THRB: variants seen among roughly 807,000 people sequenced by gnomAD.
THRB encodes thyroid hormone receptor beta.
A neutral mutation model predicts 47.8 loss-of-function variants in THRB; 12 were observed. The observed-to-expected ratio is 0.25, with a 90% CI of 0.16 to 0.41. THRB has a LOEUF of 0.41. Among genes scored for constraint, THRB ranks in the 10% least tolerant of loss-of-function variants. The pLI, the probability that THRB is intolerant of heterozygous loss-of-function variation, is 1.00. For missense variants in THRB, 348 were observed against 589.2 expected, an observed-to-expected ratio of 0.59 and a Z score of 4.24; for synonymous variants, 218 against 212.2, an observed-to-expected ratio of 1.03 and a Z score of -0.24.
In THRB at chr3:24,133,430, A is replaced by G. The variant is rs1294817467; in HGVS notation, c.771T>C (p.Asn257=). The change falls in exon 9 of 11, where the codon AAT becomes AAC. Residue 257 remains asparagine, a synonymous_variant. Transcript: ENST00000646209. ...PEDIGQAPIV[N]APEGGKVDLE... is the part of the protein sequence containing the mutation. ...AGTCAACCTTTCCACCTTCTGGGGC[A>G]TTGACTATTGGTGCTTGTCCAATGT... The G allele has an allele frequency of 6.2e-7, 1 of 1,614,150 alleles. No homozygotes were observed. Among genetic ancestry groups the G allele is most frequent in the Non-Finnish European group, 8.5e-7 (1 of 1,180,002 alleles).
At chr3:24,217,464 A>G (rs893355042) in intron 4 of THRB, among the ~76,000 whole-genome samples, 17 of 152,086 alleles carry the variant, frequency 1.1e-4, no homozygotes, top group African/African-American at 4.1e-4. Flanking sequence ...AATGAATGCT[A>G]TTACTTCATA....
At chr3:24,263,540 A>G (rs538483109) in intron 3 of THRB, among the ~76,000 whole-genome samples, 14 of 151,434 alleles carry the variant, frequency 9.2e-5, no homozygotes, top group Admixed American at 2.0e-4. Context: ...TTCACCCTCA[A>G]TTATTTTTGG....
At chr3:24,484,563 G>T (rs557199275) in intron 1 of THRB, among the ~76,000 whole-genome samples, 4 of 152,246 alleles carry the variant, frequency 2.6e-5, no homozygotes, top group African/African-American at 7.2e-5. Flanking sequence ...GCTACTAGAA[G>T]AATTTAAACT....
chr3:24,362,887 A>AT (rs2149666698), intron 1 of THRB, among the ~76,000 whole-genome samples: 1 of 152,248 alleles, frequency 6.6e-6, no homozygotes, highest in Non-Finnish European at 1.5e-5. Flanking sequence ...CTGCCTTGTT[A>AT]TTTTAACACT....
intron 5 of THRB, among the ~76,000 whole-genome samples, chr3:24,180,569 C>T (rs746392145): frequency 6.6e-6 from 1 of 152,138 alleles, no homozygotes. Context: ...AGCTCTGGAC[C>T]TTGGAGAATT....
chr3:24,269,546 C>G (rs1314249792), intron 3 of THRB, among the ~76,000 whole-genome samples: 1 of 152,136 alleles, frequency 6.6e-6, no homozygotes, highest in East Asian at 1.9e-4. Flanking sequence ...CTGCTTCAGC[C>G]TCCCAAGTAG....
chr3:24,197,198 T>C (rs2044052236), intron 4 of THRB, among the ~76,000 whole-genome samples: 1 of 152,238 alleles, frequency 6.6e-6, no homozygotes, highest in Non-Finnish European at 1.5e-5. Flanking sequence ...CAGTTTCTTA[T>C]CCAAAAGCCA....
chr3:24,232,778 G>C (rs2048381971), intron 3 of THRB, among the ~76,000 whole-genome samples: 1 of 152,200 alleles, frequency 6.6e-6, no homozygotes, highest in Non-Finnish European at 1.5e-5. Context: ...AGGTGGTGGA[G>C]ATGGTGAGAG....
At chr3:24,418,029 T>C (rs1222868081) in intron 1 of THRB, among the ~76,000 whole-genome samples, 1 of 151,900 alleles carries the variant, frequency 6.6e-6, no homozygotes, top group African/African-American at 2.4e-5. Context: ...GGAGTACCTC[T>C]TCTAAGGCCT....
At chr3:24,376,359 G>C (rs6771538) in intron 1 of THRB, among the ~76,000 whole-genome samples, 28,411 of 152,140 alleles carry the variant, frequency 0.19, 2,780 homozygotes, top group Middle Eastern at 0.28. Flanking sequence ...AGAGCAGCTG[G>C]GTGAAGAAAA....
chr3:24,309,557 T>C (rs2057603381), intron 2 of THRB, among the ~76,000 whole-genome samples: 1 of 152,222 alleles, frequency 6.6e-6, no homozygotes, highest in Non-Finnish European at 1.5e-5. Flanking sequence ...TGGTACACAG[T>C]TGATATTCAG....
intron 1 of THRB, among the ~76,000 whole-genome samples, chr3:24,372,902 T>C (rs2065019797): frequency 1.3e-5 from 2 of 151,996 alleles, no homozygotes; most frequent in African/African-American, 4.8e-5. Flanking sequence ...ATATAGAATA[T>C]CAAAAGAGAG....
At chr3:24,486,728 A>G (rs1247110527) in intron 1 of THRB, 1 of 152,230 alleles carries the variant, frequency 6.6e-6, no homozygotes, top group African/African-American at 2.4e-5. Flanking sequence ...GGACAAATGT[A>G]TAGGTTTATC....
intron 3 of THRB, among the ~76,000 whole-genome samples, chr3:24,239,011 A>G (rs975922411): frequency 1.6e-4 from 24 of 150,120 alleles, no homozygotes; most frequent in African/African-American, 5.9e-4. Context: ...GCATGATCTC[A>G]GCTCACAGCA....
At chr3:24,419,412 C>T (rs1269916288) in intron 1 of THRB, among the ~76,000 whole-genome samples, 1 of 151,854 alleles carries the variant, frequency 6.6e-6, no homozygotes, top group Non-Finnish European at 1.5e-5. Flanking sequence ...TTAAGGACCT[C>T]TCTCCAGATG....
chr3:24,144,679 T>A (rs2035869694), intron 7 of THRB: 1 of 152,202 alleles, frequency 6.6e-6, no homozygotes, highest in Non-Finnish European at 1.5e-5. Context: ...AGGTTTTACA[T>A]TGCAGAGTCA....
chr3:24,476,635 CT>C (rs1298964967), intron 1 of THRB, among the ~76,000 whole-genome samples: 1 of 152,118 alleles, frequency 6.6e-6, no homozygotes, highest in Non-Finnish European at 1.5e-5. Context: ...TGGCGAATTT[CT>C]TTTGGATTCA....
chr3:24,438,257 C>T (rs2071171009), intron 1 of THRB, among the ~76,000 whole-genome samples: 1 of 152,074 alleles, frequency 6.6e-6, no homozygotes, highest in Admixed American at 6.5e-5. Context: ...AGCTTCTCCA[C>T]CTGCATTCCC....
At chr3:24,454,728 T>G (rs1043810655) in intron 1 of THRB, among the ~76,000 whole-genome samples, 2 of 152,212 alleles carry the variant, frequency 1.3e-5, no homozygotes, top group Non-Finnish European at 2.9e-5. Context: ...TTTGTCTTTT[T>G]CTATAGATAT....
Sources: gnomAD v4.1 joint callset for allele counts (sites outside exome capture counted in the v4.1 genomes callset) on GRCh38, gnomAD v4.1.1 for gene constraint, MANE v1.5 for transcripts, NCBI Gene and HGNC (gene_info 2026-07-23, HGNC 2026-07-21) for gene names.